Variants in RETREG3 observed in about 807,000 individuals in gnomAD.
RETREG3 encodes the protein reticulophagy regulator family member 3.
A neutral mutation model predicts 50.2 loss-of-function variants in RETREG3; 23 were observed. The ratio of observed to expected loss-of-function variants is 0.46; its 90% CI spans 0.33 to 0.65. RETREG3 has a LOEUF of 0.65. Among genes scored for constraint, RETREG3 ranks in the 30% least tolerant of loss-of-function variants. The pLI, the probability that RETREG3 is intolerant of heterozygous loss-of-function variation, is 0.02. For missense variants in RETREG3, 546 were observed against 598.0 expected (o/e 0.91, Z 0.91); for synonymous variants, 240 against 234.4 (o/e 1.02, Z -0.22).
intron 1 of RETREG3, among the ~76,000 whole-genome samples, chr17:42,601,926 C>T (rs537495302): frequency 2.0e-5 from 3 of 152,112 alleles, no homozygotes; most frequent in South Asian, 2.1e-4. Flanking sequence ...TGAGCCACTG[C>T]GCCCAGCCAA....
intron 2 of RETREG3, 65 bp downstream of exon 2, chr17:42,591,991 T>C (rs1324121609): frequency 3.6e-6 from 5 of 1,388,430 alleles, no homozygotes; most frequent in Non-Finnish European, 4.0e-6. Flanking sequence ...CCCCTAATAC[T>C]AAAGGTACAA....
chr17:42,580,432 T>C lies in RETREG3; in HGVS notation c.*1381A>G, dbSNP rs894081688. 1 of 152,760 alleles carries C rather than the reference T, an allele frequency of 6.5e-6. No individual in the cohort carries two copies. The highest frequency in any genetic ancestry group is 2.4e-5 in the African/African-American group (1 of 41,414). 9.5% of individuals were successfully genotyped at this position (152,760 alleles called of 1,614,324 possible). The stretch of plus-strand genomic sequence containing the variant: ...AGGAACAGGAACATAGAAATGAGTA[T>C]GGTATTGCTTTGCTCACTGCTGAGG... On this transcript the variant is annotated 3_prime_UTR_variant, in exon 9 of 9. Transcript: ENST00000309428.
At chr17:42,604,681 C>T (rs533570267) in intron 1 of RETREG3, among the ~76,000 whole-genome samples, 3 of 148,084 alleles carry the variant, frequency 2.0e-5, no homozygotes, top group South Asian at 4.3e-4. Flanking sequence ...CCCAACAACC[C>T]CCGATTCCCC....
At chr17:42,607,174 G>C (rs1261969682) in intron 1 of RETREG3, among the ~76,000 whole-genome samples, 1 of 152,030 alleles carries the variant, frequency 6.6e-6, no homozygotes, top group Non-Finnish European at 1.5e-5. Flanking sequence ...TTTCTACAGA[G>C]AGCAATGGGA....
intron 8 of RETREG3, 130 bp downstream of exon 8, chr17:42,582,544 A>G (rs887457214): frequency 8.6e-6 from 12 of 1,398,838 alleles, no homozygotes; most frequent in Non-Finnish European, 1.2e-5. Context: ...CACAGCACTC[A>G]GGCTGCTCTG....
At chr17:42,586,032 G>A in intron 5 of RETREG3, 21 bp downstream of exon 5, 1 of 1,611,364 alleles carries the variant, frequency 6.2e-7, no homozygotes, top group Admixed American at 1.7e-5. Flanking sequence ...ACTTTGTAGG[G>A]GAGGTATATG....
intron 1 of RETREG3, among the ~76,000 whole-genome samples, chr17:42,602,076 G>A (rs938046775): frequency 3.3e-5 from 5 of 152,124 alleles, no homozygotes; most frequent in Non-Finnish European, 7.4e-5. Context: ...CAGCCTTTGG[G>A]AGGCCGAGGC....
rs1177843576 is a variant in RETREG3 at position 42,597,778 on chromosome 17, C to T, written c.240-5616G>A. Among the ~76,000 whole-genome samples the T allele has an allele frequency of 6.7e-5, 10 of 148,760 alleles. No individual in the cohort carries two copies. In the South Asian group the frequency reaches 2.1e-3, roughly 32 times the overall value. The stretch of plus-strand genomic sequence containing the variant: ...CCTGAGTAGCTGGGGTTAAGGTGTG[C>T]GCCACTGCGCCCAGCTAATTTTTGT... On this transcript the variant is annotated intron_variant, in intron 1 of 8. Transcript: ENST00000309428.
rs539074073 is a variant in RETREG3 at position 42,596,950 on chromosome 17, G to A, written c.240-4788C>T. 1.9e-4 allele frequency among the ~76,000 whole-genome samples: 29 copies of A among 149,918 alleles called. No homozygotes were observed. The South Asian group carries it at 5.3e-3, about 27-fold the overall frequency. On this transcript the variant is annotated intron_variant, in intron 1 of 8. Coordinates refer to ENST00000309428, the MANE Select transcript of RETREG3 (RefSeq NM_178126.4). ...TGCAATGGCGCCATCTTGGCTCACTGCAACCTCTGCCTCCTGGGTTCAAGC... is the reference window on the plus strand; with the variant it reads ...TGCAATGGCGCCATCTTGGCTCACTACAACCTCTGCCTCCTGGGTTCAAGC...
At chr17:42,583,059 C>G (rs9903251) in intron 7 of RETREG3, among the ~76,000 whole-genome samples, 35,209 of 151,926 alleles carry the variant, frequency 0.23, 4,412 homozygotes, top group Non-Finnish European at 0.28. Flanking sequence ...AACACTCATT[C>G]ATAACCTCTT....
rs866176602 is a variant in RETREG3, at chr17:42,586,092, C to T, written c.550G>A (p.Gly184Ser). The T allele has an allele frequency of 6.2e-6, 10 of 1,613,932 alleles. No individual in the cohort carries two copies. The Middle Eastern group carries it at 1.2e-3, about 187-fold the overall frequency. The change falls in exon 5 of 9, where the codon GGC becomes AGC. Residue 184 changes from glycine (G) to serine (S), a missense_variant. Physicochemically the swap from Gly to Ser is moderately conservative, Grantham distance 56. Coordinates refer to ENST00000309428, the MANE Select transcript of RETREG3 (RefSeq NM_178126.4). ...CGILTFLAVL[G>S]RYVPGLLLSY... ...AGCAGAAGCCCAGGGACGTAGCGGC[C>T]CAAGACAGCCAAAAAGGTCAGTATC...
intron 1 of RETREG3, among the ~76,000 whole-genome samples, chr17:42,595,077 T>C (rs1219362861): frequency 6.8e-6 from 1 of 146,422 alleles, no homozygotes. Flanking sequence ...GCGATTCTCC[T>C]GCCTCAGCCT....
intron 3 of RETREG3, 157 bp from the exon 4 acceptor site, chr17:42,587,048 C>G (rs986683835): frequency 3.0e-6 from 3 of 1,013,540 alleles, no homozygotes; most frequent in African/African-American, 3.2e-5. Context: ...CTTGGCTCAC[C>G]AGGTTGAAAT....
Position 42,582,297 on chromosome 17 carries a change from C to A in RETREG3, c.944-27G>T. The A allele has an allele frequency of 1.9e-6, 3 of 1,576,996 alleles. No individual in the cohort carries two copies. In the South Asian group the frequency reaches 3.4e-5, roughly 18 times the overall value. On this transcript the variant is annotated intron_variant, in intron 8 of 8. Coordinates refer to ENST00000309428, the MANE Select transcript of RETREG3 (RefSeq NM_178126.4). ...TGGTGGAATACAGAAGTGTCTGAGT[C>A]ATGGCACCTACCTGGCCCTCCTGTG...
chr17:42,585,714 T>C (rs1358434100), intron 5 of RETREG3, among the ~76,000 whole-genome samples: 1 of 152,186 alleles, frequency 6.6e-6, no homozygotes. Flanking sequence ...AAATAGAACC[T>C]AGCAGAGAAA....
At chr17:42,590,795 C>T (rs923103701) in intron 2 of RETREG3, among the ~76,000 whole-genome samples, 3 of 152,100 alleles carry the variant, frequency 2.0e-5, no homozygotes, top group Non-Finnish European at 4.4e-5. Context: ...GGTAAAACCC[C>T]GTCTCTAACA....
chr17:42,592,916 G>A (rs2093135991), intron 1 of RETREG3, among the ~76,000 whole-genome samples: 1 of 152,154 alleles, frequency 6.6e-6, no homozygotes, highest in Non-Finnish European at 1.5e-5. Context: ...GAACCCAAGA[G>A]GCGGAGGTTA....
chr17:42,602,851 G>A (rs1003035572), intron 1 of RETREG3, among the ~76,000 whole-genome samples: 1 of 152,190 alleles, frequency 6.6e-6, no homozygotes, highest in East Asian at 1.9e-4. Flanking sequence ...GGCTGAGGTG[G>A]GAGGATGGCT....
intron 1 of RETREG3, among the ~76,000 whole-genome samples, chr17:42,604,134 CT>C (rs371543977): frequency 0.012 from 1,824 of 152,094 alleles, 39 homozygotes; most frequent in African/African-American, 0.042. Flanking sequence ...TCCTTAATCA[CT>C]TTTTTGGGTC....
Sources: allele counts gnomAD v4.1 joint callset (sites outside exome capture counted in the v4.1 genomes callset), GRCh38; gene constraint gnomAD v4.1.1; transcripts MANE v1.5; gene names NCBI Gene and HGNC (gene_info 2026-07-23, HGNC 2026-07-21).